PALS1: variants seen among roughly 807,000 people sequenced by gnomAD.
The protein encoded by PALS1 is protein associated with LIN7 1, MAGUK p55 family member, also known as protein PALS1.
A neutral mutation model predicts 78.9 loss-of-function variants in PALS1; 31 were observed. The ratio of observed to expected loss-of-function variants is 0.39; its 90% confidence interval spans 0.30 to 0.53. PALS1 has a LOEUF of 0.53. Among genes scored for constraint, PALS1 ranks in the 20% least tolerant of loss-of-function variants. The probability of loss-of-function intolerance (pLI) is 0.67; values close to 1 mark genes in which losing one functional copy is unlikely to be tolerated. For synonymous variants in PALS1, 276 were observed against 270.9 expected (o/e 1.02, Z -0.18); for missense variants, 704 against 826.5 (o/e 0.85, Z 1.82).
At chr14:67,297,529 AATTTTAAACAGATTT>A (rs1391869925) in intron 4 of PALS1, among the ~76,000 whole-genome samples, 4 of 152,224 alleles carry the variant, frequency 2.6e-5, no homozygotes, top group Non-Finnish European at 1.5e-5. Flanking sequence ...TCTACTGAAG[AATTTTAAACAGATTT>A]ATATAAACAG....
intron 1 of PALS1, among the ~76,000 whole-genome samples, chr14:67,268,133 C>G (rs2140557650): frequency 6.6e-6 from 1 of 152,276 alleles, no homozygotes; most frequent in South Asian, 2.1e-4. Flanking sequence ...GTATGTTTAA[C>G]TTTTTAAGAA....
At chr14:67,330,154 A>ATT (rs1566586926) in intron 14 of PALS1, among the ~76,000 whole-genome samples, 28 of 105,728 alleles carry the variant, frequency 2.6e-4, no homozygotes, top group African/African-American at 5.1e-4. Context: ...TAATAATAAT[A>ATT]ATTATTATTA....
At chr14:67,303,431 A>AT (rs2084957119) in intron 7 of PALS1, 91 bp from the exon 8 acceptor site, 1 of 1,009,762 alleles carries the variant, frequency 9.9e-7, no homozygotes, top group African/African-American at 1.6e-5. Context: ...GGGGTTCTGA[A>AT]ATAGTCCAGT....
intron 1 of PALS1, among the ~76,000 whole-genome samples, chr14:67,256,877 G>C (rs545869345): frequency 1.3e-5 from 2 of 151,840 alleles, no homozygotes; most frequent in South Asian, 4.2e-4. Context: ...AAAAAATATT[G>C]ATTCTTTTTA....
intron 9 of PALS1, among the ~76,000 whole-genome samples, chr14:67,315,466 TGGGGTTTC>T (rs1227783100): frequency 6.6e-6 from 1 of 151,942 alleles, no homozygotes; most frequent in East Asian, 1.9e-4. Context: ...TTAGTAGAGA[TGGGGTTTC>T]ACCGTGTTAG....
rs780401335 is a variant in PALS1 at position 67,332,859 on chromosome 14, T to G, written c.1931T>G (p.Val644Gly). The change falls in exon 15 of 15, where the codon GTG becomes GGG. Residue 644 changes from valine (V) to glycine (G), a missense_variant. Val to Gly is a moderately radical substitution (Grantham distance 109). Coordinates refer to ENST00000261681, the MANE Select transcript of PALS1 (RefSeq NM_022474.4). ...NNGHYFDTAI[V>G]NSDLDKAYQE... is the part of the protein sequence containing the mutation. Reference sequence around the variant, plus strand: ...GGCCACTACTTTGATACGGCAATTGTGAATTCCGATCTTGATAAAGCCTAT... The same window carrying G: ...GGCCACTACTTTGATACGGCAATTGGGAATTCCGATCTTGATAAAGCCTAT... 2.4e-5 allele frequency: 39 copies of G among 1,613,970 alleles called. No individual in the cohort carries two copies. Among genetic ancestry groups the G allele is most frequent in the Admixed American group, 5.0e-5 (3 of 59,988 alleles).
chr14:67,272,552 C>A (rs1212871939), intron 2 of PALS1, among the ~76,000 whole-genome samples: 1 of 152,194 alleles, frequency 6.6e-6, no homozygotes, highest in Non-Finnish European at 1.5e-5. Context: ...ACCACTATTC[C>A]TACTCCTATG....
At chr14:67,297,114 A>AAAT (rs1465450991) in intron 4 of PALS1, among the ~76,000 whole-genome samples, 1 of 152,254 alleles carries the variant, frequency 6.6e-6, no homozygotes, top group Non-Finnish European at 1.5e-5. Flanking sequence ...AAAAAAAGAA[A>AAAT]AATAATAATA....
intron 3 of PALS1, among the ~76,000 whole-genome samples, chr14:67,287,351 A>G (rs1272877663): frequency 1.3e-5 from 2 of 151,930 alleles, no homozygotes; most frequent in Non-Finnish European, 2.9e-5. Context: ...CATTGTTCTG[A>G]TATAAGAAAA....
At chr14:67,302,204 T>A in intron 6 of PALS1, 86 bp downstream of exon 6, 1 of 1,383,938 alleles carries the variant, frequency 7.2e-7, no homozygotes, top group Non-Finnish European at 9.6e-7. Context: ...AGAATTCTAA[T>A]GAATAGAGTA....
At chr14:67,299,278 C>A (rs1048439593) in intron 4 of PALS1, among the ~76,000 whole-genome samples, 2 of 152,080 alleles carry the variant, frequency 1.3e-5, no homozygotes, top group African/African-American at 4.8e-5. Context: ...ATTCTGGCTA[C>A]AAGTTCTTTG....
At chr14:67,257,451 G>T (rs1315622762) in intron 1 of PALS1, among the ~76,000 whole-genome samples, 3 of 152,134 alleles carry the variant, frequency 2.0e-5, no homozygotes, top group African/African-American at 7.2e-5. Context: ...CCTTGGCTTA[G>T]TGGTTTTGGG....
chr14:67,245,373 G>A (rs1595556015), intron 1 of PALS1, among the ~76,000 whole-genome samples: 2 of 152,146 alleles, frequency 1.3e-5, no homozygotes, highest in South Asian at 4.1e-4. Context: ...ATTTTTCTTT[G>A]CATTTCCCCC....
intron 2 of PALS1, among the ~76,000 whole-genome samples, chr14:67,278,559 A>C (rs903452920): frequency 1.4e-4 from 22 of 152,222 alleles, no homozygotes; most frequent in Admixed American, 1.3e-3. Context: ...ATGCCAAATC[A>C]GTTGATCATT....
intron 2 of PALS1, chr14:67,270,045 A>G (rs1032650125): frequency 2.0e-5 from 3 of 152,242 alleles, no homozygotes; most frequent in African/African-American, 7.2e-5. Flanking sequence ...TACTCTGCCT[A>G]AAAATTAAGA....
chr14:67,306,879 A>T (rs1167057804), intron 8 of PALS1, among the ~76,000 whole-genome samples: 5 of 152,226 alleles, frequency 3.3e-5, no homozygotes, highest in Non-Finnish European at 7.4e-5. Flanking sequence ...GAACCAATTT[A>T]TTGAGTATCA....
chr14:67,317,540 G>A (rs1810002071), intron 11 of PALS1, 61 bp downstream of exon 11: 1 of 1,143,204 alleles, frequency 8.7e-7, no homozygotes, highest in East Asian at 2.5e-5. Context: ...ACCTAGTCCT[G>A]TTTTGCACCT....
At chr14:67,256,410 A>T (rs1004609281) in intron 1 of PALS1, among the ~76,000 whole-genome samples, 1 of 152,222 alleles carries the variant, frequency 6.6e-6, no homozygotes, top group Non-Finnish European at 1.5e-5. Context: ...TATATATTTT[A>T]AAAAAACAAG....
At position 67,335,185 on chromosome 14, in the gene PALS1, A is replaced by AGAT. The variant is rs2085510379; in HGVS notation, c.*2230_*2232dup. The AGAT allele has an allele frequency of 6.6e-6, 1 of 152,248 alleles. No individual in the cohort carries two copies. The highest frequency in any genetic ancestry group is 6.5e-5 in the Admixed American group (1 of 15,282). The allele number at this position is 152,248 out of a possible 1,614,324, so 9.4% of individuals were successfully genotyped here. A position where few individuals can be genotyped will look rare whatever the true frequency, so the allele number is the denominator to read the frequency against. On this transcript the variant is annotated 3_prime_UTR_variant, in exon 15 of 15. Transcript: ENST00000261681. ...TCTCCCCTTCCTCATCAGCAATGGT[A>AGAT]GATAGAAATGTCCTAAACTTTTCTA...
Sources: gnomAD v4.1 joint callset for allele counts (sites outside exome capture counted in the v4.1 genomes callset) on GRCh38, gnomAD v4.1.1 for gene constraint, MANE v1.5 for transcripts, NCBI Gene and HGNC (gene_info 2026-07-23, HGNC 2026-07-21) for gene names.